The following XPO1 variants were observed in gnomAD, a reference collection of about 807,000 sequenced individuals.
The protein encoded by XPO1 is exportin-1.
A neutral mutation model predicts 133.3 loss-of-function variants in XPO1; 5 were observed. The ratio of observed to expected loss-of-function variants is 0.04; its 90% CI spans 0.02 to 0.08. XPO1 has a LOEUF of 0.08. Among genes scored for constraint, XPO1 ranks in the 10% least tolerant of loss-of-function variants. The probability of loss-of-function intolerance (pLI) is 1.00; values close to 1 mark genes in which losing one functional copy is unlikely to be tolerated. For missense variants in XPO1, 506 were observed against 1,267.5 expected, an observed-to-expected ratio of 0.40 and a Z score of 9.12; for synonymous variants, 419 against 408.2, an observed-to-expected ratio of 1.03 and a Z score of -0.32.
intron 12 of XPO1, 95 bp from the exon 13 acceptor site, chr2:61,493,148 A>T (rs1037606882): frequency 2.3e-6 from 3 of 1,301,194 alleles, no homozygotes; most frequent in Non-Finnish European, 3.1e-6. Flanking sequence ...AACCAAAAAA[A>T]CCACAAGCCA....
chr2:61,519,698 C>G (rs1329539899), intron 4 of XPO1, among the ~76,000 whole-genome samples: 2 of 72,774 alleles, frequency 2.7e-5, no homozygotes, highest in African/African-American at 1.3e-4. Context: ...GACTCCGTCT[C>G]AAAAAAAAAA....
intron 4 of XPO1, among the ~76,000 whole-genome samples, chr2:61,517,071 T>C (rs576400433): frequency 6.6e-6 from 1 of 152,138 alleles, no homozygotes; most frequent in East Asian, 1.9e-4. Flanking sequence ...ACTCAGCTAA[T>C]TTTGGTATTT....
At chr2:61,525,788 T>C in intron 3 of XPO1, 1 of 1,034,300 alleles carries the variant, frequency 9.7e-7, no homozygotes, top group Non-Finnish European at 1.2e-6. Flanking sequence ...ATGGCTATCT[T>C]CTGTTTTAAC....
Position 61,530,752 on chromosome 2 carries a change from GCTT to G in XPO1, c.126+3017_126+3019del, listed in dbSNP as rs547729688. Among the ~76,000 whole-genome samples, 653 of 149,652 alleles carry G rather than the reference GCTT, an allele frequency of 4.4e-3. 4 individuals are homozygous for G. The highest frequency in any genetic ancestry group is 6.3e-3 in the Non-Finnish European group (425 of 67,524). Reference sequence around the variant, plus strand: ...TTAAAAAAAAAAAAACCTACCTACAGCTTTTTTTCCCAGTTGACTTTAAAAGCT... The same window carrying G: ...TTAAAAAAAAAAAAACCTACCTACAGTTTTTCCCAGTTGACTTTAAAAGCT... On this transcript the variant is annotated intron_variant, in intron 2 of 24. Coordinates refer to ENST00000401558, the MANE Select transcript of XPO1 (RefSeq NM_003400.4).
At chr2:61,488,853 G>C (rs1478915300) in intron 17 of XPO1, 82 bp from the exon 18 acceptor site, 2 of 1,490,028 alleles carry the variant, frequency 1.3e-6, no homozygotes, top group African/African-American at 1.4e-5. Flanking sequence ...TGTAATCCCA[G>C]CACTCTGAGA....
At chr2:61,516,300 C>T (rs1307371478) in intron 4 of XPO1, among the ~76,000 whole-genome samples, 5 of 151,102 alleles carry the variant, frequency 3.3e-5, no homozygotes, top group South Asian at 2.1e-4. Context: ...AGCGAAACTC[C>T]GCCTCGAAAA....
At chr2:61,495,746 A>C in intron 10 of XPO1, 133 bp from the exon 11 acceptor site, 13 of 859,124 alleles carry the variant, frequency 1.5e-5, no homozygotes, top group Non-Finnish European at 1.9e-5. Flanking sequence ...ACCAAAGCTC[A>C]CTGCAGCCTC....
intron 19 of XPO1, among the ~76,000 whole-genome samples, chr2:61,487,030 TG>T (rs1696729784): frequency 6.6e-6 from 1 of 151,532 alleles, no homozygotes; most frequent in Non-Finnish European, 1.5e-5. Context: ...TGGCCCAGAC[TG>T]GGGTGCAATG....
At chr2:61,479,165 A>G (rs868249319) in intron 24 of XPO1, among the ~76,000 whole-genome samples, 199 bp from the exon 25 acceptor site, 2 of 152,188 alleles carry the variant, frequency 1.3e-5, no homozygotes, top group African/African-American at 4.8e-5. Flanking sequence ...GTGGGGGGGA[A>G]GATTACAAAA....
chr2:61,489,438 T>C (rs1303247033), intron 17 of XPO1, among the ~76,000 whole-genome samples: 1 of 151,584 alleles, frequency 6.6e-6, no homozygotes, highest in African/African-American at 2.4e-5. Context: ...TCCACATAAT[T>C]ACCAAAGCAA....
chr2:61,506,598 C>CAAAAAGAA (rs1697828509), intron 4 of XPO1, among the ~76,000 whole-genome samples: 1 of 81,418 alleles, frequency 1.2e-5, no homozygotes. Flanking sequence ...GATTCCGTCT[C>CAAAAAGAA]AAAAAAAAAA....
intron 2 of XPO1, among the ~76,000 whole-genome samples, chr2:61,528,262 G>A (rs189580576): frequency 6.6e-6 from 1 of 151,928 alleles, no homozygotes; most frequent in African/African-American, 2.4e-5. Flanking sequence ...GTCTTTTCCT[G>A]TCCACATTTT....
intron 11 of XPO1, among the ~76,000 whole-genome samples, chr2:61,495,194 T>C (rs1697186939): frequency 6.6e-6 from 1 of 152,142 alleles, no homozygotes; most frequent in African/African-American, 2.4e-5. Flanking sequence ...ATAAGGTCTT[T>C]GAAATTTTAA....
At chr2:61,483,123 C>T (rs748689631) in intron 21 of XPO1, 32 bp from the exon 22 acceptor site, 2 of 1,593,290 alleles carry the variant, frequency 1.3e-6, no homozygotes, top group Admixed American at 1.8e-5. Context: ...TGGAAAGTTA[C>T]TACAGACTGA....
chr2:61,525,796 AAC>A, intron 3 of XPO1: 1 of 1,035,476 alleles, frequency 9.7e-7, no homozygotes, highest in Non-Finnish European at 1.2e-6. Context: ...CTTCTGTTTT[AAC>A]ACAATGTATA....
At chr2:61,526,342 CTAAAAA>C in intron 3 of XPO1, 72 bp downstream of exon 3, 1 of 1,512,006 alleles carries the variant, frequency 6.6e-7, no homozygotes, top group South Asian at 1.3e-5. Flanking sequence ...AATGCTAATA[CTAAAAA>C]TGAGATACCT....
chr2:61,502,573 T>G lies in XPO1; in HGVS notation c.302-263A>C, dbSNP rs1697583696. 1.6e-5 allele frequency: 5 copies of G among 305,044 alleles called. No individual in the cohort carries two copies. The South Asian group carries it at 1.9e-4, about 12-fold the overall frequency. The allele number at this position is 305,044 out of a possible 1,614,324, so 18.9% of individuals were successfully genotyped here. A position where few individuals can be genotyped will look rare whatever the true frequency, so the allele number is the denominator to read the frequency against. ...TTCGAGACCAGCATGACCAACATGG[T>G]GAAACCCTGTCTCTACTAAAAATAC... is the stretch of plus-strand genomic sequence containing the variant. On this transcript the variant is annotated intron_variant, in intron 4 of 24. Transcript: ENST00000401558.
chr2:61,484,422 T>A (rs1304284101), intron 20 of XPO1: 2 of 234,466 alleles, frequency 8.5e-6, no homozygotes, highest in South Asian at 1.6e-4. Flanking sequence ...CACTACAGAT[T>A]ACAAAAAAAT....
chr2:61,491,245 G>A (rs566445980), intron 16 of XPO1, among the ~76,000 whole-genome samples: 4 of 152,006 alleles, frequency 2.6e-5, no homozygotes, highest in African/African-American at 9.6e-5. Flanking sequence ...GGCGGATCAT[G>A]AGGTCAGGAG....
Sources: gnomAD v4.1 joint callset for allele counts (sites outside exome capture counted in the v4.1 genomes callset) on GRCh38, gnomAD v4.1.1 for gene constraint, MANE v1.5 for transcripts, NCBI Gene and HGNC (gene_info 2026-07-23, HGNC 2026-07-21) for gene names.